Variants in FASTKD2 observed in about 807,000 individuals in gnomAD.
The protein encoded by FASTKD2 is FAST kinase domains 2.
Under a neutral mutation model 63.6 loss-of-function variants are expected in FASTKD2, and 51 were observed. The ratio of observed to expected loss-of-function variants is 0.80; its 90% confidence interval spans 0.64 to 1.01. FASTKD2 has a LOEUF of 1.01. Ranked by LOEUF, FASTKD2 falls within the 50% of genes least tolerant of loss-of-function variation. The pLI is 0.00. For synonymous variants in FASTKD2, 284 were observed against 293.4 expected (o/e 0.97, Z 0.33); for missense variants, 786 against 831.1 (o/e 0.95, Z 0.67).
At chr2:206,772,565 A>G (rs1384153728) in intron 6 of FASTKD2, among the ~76,000 whole-genome samples, 1 of 152,220 alleles carries the variant, frequency 6.6e-6, no homozygotes, top group Non-Finnish European at 1.5e-5. Context: ...TGCAAAAGCA[A>G]TACGCATTCA....
rs1689763549 is a variant in FASTKD2 at position 206,774,295 on chromosome 2, A to T, written c.1325A>T (p.Lys442Met). Reference protein sequence around the residue: ...RPVGLMDLFMKRIVEDPESLN... With the variant: ...RPVGLMDLFMMRIVEDPESLN... ...GTTGGTTTAATGGACCTGTTTATGA[A>T]GAGAATAGTAGAGGATCCTGAATCC... Residue 442 changes from lysine to methionine, a missense_variant, in exon 7 of 12, where the codon AAG (lysine) becomes ATG (methionine). By Grantham distance (95) the Lys-to-Met change is moderately conservative (BLOSUM62 -1). Transcript: ENST00000402774. 6.2e-7 allele frequency: 1 copy of T among 1,606,294 alleles called. No individual in the cohort carries two copies. The highest frequency in any genetic ancestry group is 8.5e-7 in the Non-Finnish European group (1 of 1,173,436).
At chr2:206,780,798 C>G (rs540389419) in intron 7 of FASTKD2, among the ~76,000 whole-genome samples, 1 of 152,046 alleles carries the variant, frequency 6.6e-6, no homozygotes, top group Non-Finnish European at 1.5e-5. Flanking sequence ...AACTCTTCTT[C>G]TTTCTTTGTT....
At chr2:206,782,134 G>GC (rs1690002991) in intron 7 of FASTKD2, among the ~76,000 whole-genome samples, 3 of 152,166 alleles carry the variant, frequency 2.0e-5, no homozygotes, top group African/African-American at 7.2e-5. Context: ...CAGAAATCCA[G>GC]CCCCTAGGGC....
At chr2:206,778,254 C>T (rs995091385) in intron 7 of FASTKD2, among the ~76,000 whole-genome samples, 2 of 151,066 alleles carry the variant, frequency 1.3e-5, no homozygotes, top group Admixed American at 6.6e-5. Flanking sequence ...TATTTGATAG[C>T]TTTCTTTTTT....
Position 206,793,620 on chromosome 2 carries a change from T to A in FASTKD2, c.*1818T>A, listed in dbSNP as rs1690357743. Among the ~76,000 whole-genome samples, 1 of 152,184 alleles carries A rather than the reference T, an allele frequency of 6.6e-6. No individual in the cohort carries two copies. Among genetic ancestry groups the A allele is most frequent in the Admixed American group, 6.5e-5 (1 of 15,278 alleles). Reference sequence around the variant, plus strand: ...TAAGGTTTTGTCTTTAAATGTTGAGTGTGCATCAGTTTTGAGTGTCTAATT... The same window carrying A: ...TAAGGTTTTGTCTTTAAATGTTGAGAGTGCATCAGTTTTGAGTGTCTAATT... On this transcript the variant is annotated 3_prime_UTR_variant, in exon 12 of 12. Coordinates refer to ENST00000402774, the MANE Select transcript of FASTKD2 (RefSeq NM_001136193.2).
chr2:206,780,641 A>T (rs1184078652), intron 7 of FASTKD2, among the ~76,000 whole-genome samples: 4 of 151,996 alleles, frequency 2.6e-5, no homozygotes, highest in African/African-American at 9.7e-5. Flanking sequence ...ATGAATCTGG[A>T]TGTCCATTAC....
intron 7 of FASTKD2, among the ~76,000 whole-genome samples, chr2:206,775,315 T>C (rs1457645729): frequency 7.0e-6 from 1 of 142,672 alleles, no homozygotes; most frequent in Non-Finnish European, 1.5e-5. Context: ...CTAAGGGTTC[T>C]ACTTTTACCA....
rs200616436 is a variant in FASTKD2, at chr2:206,791,793, C to T, written c.2124C>T (p.Ser708=). The change falls in exon 12 of 12, where the codon AGC becomes AGT. Residue 708 remains serine (S), a synonymous_variant. Coordinates refer to ENST00000402774, the MANE Select transcript of FASTKD2 (RefSeq NM_001136193.2). ...ALPVAAVNVQ[S]TQ Reference sequence around the variant, plus strand: ...CTGTTGCTGCTGTAAATGTGCAAAGCACACAATAAAGTGAAAATCAACCTT... The same window carrying T: ...CTGTTGCTGCTGTAAATGTGCAAAGTACACAATAAAGTGAAAATCAACCTT... 260 of 1,612,566 alleles carry T rather than the reference C, an allele frequency of 1.6e-4. 2 individuals are homozygous for T. The South Asian group carries it at 1.8e-3, about 11-fold the overall frequency.
chr2:206,766,605 T>C, intron 1 of FASTKD2, 39 bp from the exon 2 acceptor site: 1 of 1,166,762 alleles, frequency 8.6e-7, no homozygotes. Flanking sequence ...AAAAGTTTTG[T>C]TTTAATTTTT....
intron 10 of FASTKD2, chr2:206,789,108 G>T (rs766235680): frequency 3.1e-4 from 173 of 553,928 alleles, no homozygotes; most frequent in Non-Finnish European, 4.7e-4. Context: ...TACAGTATTG[G>T]TCATTTAATG....
chr2:206,770,281 C>T (rs758895228), intron 3 of FASTKD2, 87 bp downstream of exon 3: 16 of 883,578 alleles, frequency 1.8e-5, no homozygotes, highest in Non-Finnish European at 2.1e-5. Context: ...AACTAAACTC[C>T]TTTCTTGAGG....
Position 206,778,759 on chromosome 2 carries a change from C to T in FASTKD2, c.1427+4362C>T, listed in dbSNP as rs993069262. Among the ~76,000 whole-genome samples the T allele has an allele frequency of 3.3e-5, 5 of 151,168 alleles. No individual in the cohort carries two copies. In the South Asian group the frequency reaches 6.3e-4, roughly 19 times the overall value. ...CACACAGCAGGAGGTGAGTGGCAGG[C>T]GAACATTACTGCCTGAGCTCTGTCA... On this transcript the variant is annotated intron_variant, in intron 7 of 11. Coordinates refer to ENST00000402774, the MANE Select transcript of FASTKD2 (RefSeq NM_001136193.2).
chr2:206,795,603 T>G lies in FASTKD2; in HGVS notation c.*3801T>G, dbSNP rs929123484. On this transcript the variant is annotated 3_prime_UTR_variant, in exon 12 of 12. Coordinates refer to ENST00000402774, the MANE Select transcript of FASTKD2 (RefSeq NM_001136193.2). ...AGGTGTGCCGTGACTCACTGGTGGA[T>G]CCAAAAAAAGCTGAAGCCTACATTT... Among the ~76,000 whole-genome samples, 1 of 152,080 alleles carries G rather than the reference T, an allele frequency of 6.6e-6. No individual in the cohort carries two copies. Among genetic ancestry groups the G allele is most frequent in the Non-Finnish European group, 1.5e-5 (1 of 68,016 alleles).
chr2:206,793,220 C>CAA lies in FASTKD2; in HGVS notation c.*1448_*1449dup, dbSNP rs58656956. Among the ~76,000 whole-genome samples the CAA allele has an allele frequency of 7.9e-3, 520 of 65,732 alleles. 42 individuals are homozygous for CAA. The highest frequency in any genetic ancestry group is 0.027 in the African/African-American group (443 of 16,202). 43.1% of individuals were successfully genotyped at this position (65,732 alleles called of 152,430 possible). On this transcript the variant is annotated 3_prime_UTR_variant, in exon 12 of 12. Transcript: ENST00000402774. ...CTGACCACAGAGCGAGACTCTGTCT[C>CAA]AAAAAAAAAAAAAAAAAAAAAAAAA...
At chr2:206,783,626 A>G (rs1690052699) in intron 7 of FASTKD2, among the ~76,000 whole-genome samples, 1 of 152,118 alleles carries the variant, frequency 6.6e-6, no homozygotes. Flanking sequence ...AGAGTTTTTC[A>G]GGTGACTCCA....
At chr2:206,788,746 AAAGG>A (rs1220444942) in intron 9 of FASTKD2, 69 bp from the exon 10 acceptor site, 62 of 795,006 alleles carry the variant, frequency 7.8e-5, no homozygotes, top group Admixed American at 1.6e-4. Flanking sequence ...AAAAAAAAAA[AAAGG>A]AAAAGAAAAG....
intron 11 of FASTKD2, 24 bp downstream of exon 11, chr2:206,790,710 T>TATTCTTTA: frequency 7.7e-7 from 1 of 1,300,344 alleles, no homozygotes; most frequent in Non-Finnish European, 1.1e-6. Context: ...GCAAATGAAA[T>TATTCTTTA]ATTCTTTAAT....
rs1405140008 is a variant in FASTKD2, at chr2:206,796,093, T to C, written c.*4291T>C. 1.3e-5 allele frequency among the ~76,000 whole-genome samples: 2 copies of C among 152,236 alleles called. No homozygotes were observed. Among genetic ancestry groups the C allele is most frequent in the Non-Finnish European group, 2.9e-5 (2 of 68,044 alleles). ...GTCTAAACTAGGTTGCAGTGGTTTCTGTTATCAGCAAGTAAATCCTGATTG... is the reference window on the plus strand; with the variant it reads ...GTCTAAACTAGGTTGCAGTGGTTTCCGTTATCAGCAAGTAAATCCTGATTG... On this transcript the variant is annotated 3_prime_UTR_variant, in exon 12 of 12. Coordinates refer to ENST00000402774, the MANE Select transcript of FASTKD2 (RefSeq NM_001136193.2).
At position 206,794,385 on chromosome 2, in the gene FASTKD2, T is replaced by C. The variant is rs1690384248; in HGVS notation, c.*2583T>C. 6.6e-6 allele frequency among the ~76,000 whole-genome samples: 1 copy of C among 152,204 alleles called. No individual in the cohort carries two copies. The highest frequency in any genetic ancestry group is 2.4e-5 in the African/African-American group (1 of 41,462). On this transcript the variant is annotated 3_prime_UTR_variant, in exon 12 of 12. Transcript: ENST00000402774. ...TATTCTTGAAATAGCTACATGCAAT[T>C]CTTTTTTATTATTTTTTAATTTTAA...
Sources: gnomAD v4.1 joint callset for allele counts (sites outside exome capture counted in the v4.1 genomes callset) on GRCh38, gnomAD v4.1.1 for gene constraint, MANE v1.5 for transcripts, NCBI Gene and HGNC (gene_info 2026-07-23, HGNC 2026-07-21) for gene names.